CNR1: variants seen among roughly 807,000 people sequenced by gnomAD.
The protein encoded by CNR1 is cannabinoid receptor 1.
A neutral mutation model predicts 23.0 loss-of-function variants in CNR1; 10 were observed. The observed-to-expected ratio is 0.43, with a 90% confidence interval of 0.27 to 0.74. The LOEUF (loss-of-function observed/expected upper bound fraction) is 0.74. CNR1 is among the 30% of genes least tolerant of loss of function. The pLI is 0.19. For missense variants in CNR1, 422 were observed against 618.8 expected, an observed-to-expected ratio of 0.68 and a Z score of 3.37; for synonymous variants, 271 against 255.2, an observed-to-expected ratio of 1.06 and a Z score of -0.59.
rs937566702 is a variant in CNR1, at chr6:88,142,678, G to A, written c.*1178C>T. ...TTAGAAACTGAATCCATGTGCAAGA[G>A]TGCAGCAAGTGGTAAAAGTTTATAC... is the stretch of plus-strand genomic sequence containing the variant. On this transcript the variant is annotated 3_prime_UTR_variant, in exon 2 of 2. Transcript: ENST00000369501. The A allele has an allele frequency of 3.3e-5, 5 of 152,628 alleles. No individual in the cohort carries two copies. Among genetic ancestry groups the A allele is most frequent in the African/African-American group, 1.2e-4 (5 of 41,454 alleles). The allele number at this position is 152,628 out of a possible 1,614,324, so 9.5% of individuals were successfully genotyped here. A position where few individuals can be genotyped will look rare whatever the true frequency, so the allele number is the denominator to read the frequency against.
rs545650044 is a variant in CNR1 at position 88,145,526 on chromosome 6, T to A, written c.-63-189A>T. ...CACTCAGAGAAAAGCTCCCCAAAGT[T>A]CAGGGATGGCGTGGCACATGCCAGA... On this transcript the variant is annotated intron_variant, in intron 1 of 1. Coordinates refer to ENST00000369501, the MANE Select transcript of CNR1 (RefSeq NM_016083.6). 2.0e-5 allele frequency among the ~76,000 whole-genome samples: 3 copies of A among 152,300 alleles called. No homozygotes were observed. The South Asian group carries it at 6.2e-4, about 32-fold the overall frequency.
At position 88,143,743 on chromosome 6, in the gene CNR1, T is replaced by C. The variant is rs1776962779; in HGVS notation, c.*113A>G. 8 of 762,106 alleles carry C rather than the reference T, an allele frequency of 1.0e-5. No homozygotes were observed. Among genetic ancestry groups the C allele is most frequent in the Non-Finnish European group, 1.7e-5 (8 of 457,870 alleles). The allele number at this position is 762,106 out of a possible 1,614,324, so 47.2% of individuals were successfully genotyped here. A position where few individuals can be genotyped will look rare whatever the true frequency, so the allele number is the denominator to read the frequency against. On this transcript the variant is annotated 3_prime_UTR_variant, in exon 2 of 2. Transcript: ENST00000369501. ...AAGTGATCATGGTGACAATCACCTT[T>C]TCATTGAGCATGGTAAAGTTAAAAA...
intron 1 of CNR1, among the ~76,000 whole-genome samples, chr6:88,154,074 C>T (rs1162405591): frequency 6.6e-6 from 1 of 152,112 alleles, no homozygotes; most frequent in African/African-American, 2.4e-5. Context: ...AAAGAAAATT[C>T]CATTATATTG....
rs1478543909 is a variant in CNR1 at position 88,144,840 on chromosome 6, G to A, written c.435C>T (p.Arg145=). The A allele has an allele frequency of 6.2e-7, 1 of 1,614,224 alleles. No homozygotes were observed. Among genetic ancestry groups the A allele is most frequent in the Non-Finnish European group, 8.5e-7 (1 of 1,180,030 alleles). Residue 145 remains arginine (R), a synonymous_variant, in exon 2 of 2, where the codon CGC becomes CGT. Transcript: ENST00000369501. This position sits in a 1 kb window ranked among gnomAD's most constrained non-coding sequence, Gnocchi z 7.8. The part of the protein sequence containing the change: ...LLVLCVILHS[R]SLRCRPSYHF... ...GGTAGGAAGGCCTGCAGCGGAGGCT[G>A]CGGGAGTGGAGGATGACGCACAGCA...
rs1030123227 is a variant in CNR1 at position 88,141,602 on chromosome 6, T to C, written c.*2254A>G. On this transcript the variant is annotated 3_prime_UTR_variant, in exon 2 of 2. Transcript: ENST00000369501. ...GGACAAAAGACTGGCAATTCTTAAA[T>C]GCAAACTAAACCCTGGTGAGTTCTT... 4 of 152,386 alleles carry C rather than the reference T, an allele frequency of 2.6e-5. No individual in the cohort carries two copies. Among genetic ancestry groups the C allele is most frequent in the Non-Finnish European group, 5.9e-5 (4 of 68,052 alleles). The allele number at this position is 152,386 out of a possible 1,614,324, so 9.4% of individuals were successfully genotyped here.
intron 1 of CNR1, 60 bp from the exon 2 acceptor site, chr6:88,145,397 A>G: frequency 1.2e-6 from 1 of 801,246 alleles, no homozygotes; most frequent in Non-Finnish European, 2.0e-6. Flanking sequence ...AAAAACAAAG[A>G]GACACTGTAA....
rs759673082 is a variant in CNR1, at chr6:88,144,366, G to A, written c.909C>T (p.Ser303=). The A allele has an allele frequency of 1.5e-5, 24 of 1,613,778 alleles. No homozygotes were observed. Among genetic ancestry groups the A allele is most frequent in the Non-Finnish European group, 2.0e-5 (24 of 1,180,036 alleles). The change falls in exon 2 of 2, where the codon AGC becomes AGT. Residue 303 remains serine, a synonymous_variant. Transcript: ENST00000369501. The surrounding 1 kb of genome is among the most constrained non-coding windows in gnomAD (Gnocchi z 7.8). ...CACGCTGAATCATGCGGACGGCGTG[G>A]CTGTGAGCCTTCCAGAGAATATACA... ...AYMYILWKAH[S]HAVRMIQRGT... is the part of the protein sequence containing the mutation.
In CNR1 at chr6:88,145,347, G is replaced by C; in HGVS notation, c.-63-10C>G. The C allele has an allele frequency of 8.0e-7, 1 of 1,248,718 alleles. No homozygotes were observed. Among genetic ancestry groups the C allele is most frequent in the Non-Finnish European group, 1.1e-6 (1 of 886,102 alleles). The allele number at this position is 1,248,718 out of a possible 1,614,324, so 77.4% of individuals were successfully genotyped here. On this transcript the variant is annotated splice_polypyrimidine_tract_variant and intron_variant, in intron 1 of 1. Transcript: ENST00000369501. ...CCCACAGGGGGCAATCCTAAGAGGA[G>C]GGAAAACAAATAAGCCGAATGGTGA...
At chr6:88,147,220 G>C (rs1419840838) in intron 1 of CNR1, among the ~76,000 whole-genome samples, 1 of 152,236 alleles carries the variant, frequency 6.6e-6, no homozygotes, top group Non-Finnish European at 1.5e-5. Context: ...GCTGAGGCAG[G>C]AGAATCGCTT....
At chr6:88,159,041 T>C (rs929036592) in intron 1 of CNR1, among the ~76,000 whole-genome samples, 12 of 152,200 alleles carry the variant, frequency 7.9e-5, no homozygotes, top group Non-Finnish European at 1.6e-4. Flanking sequence ...TGTACTGATA[T>C]AATACACAGA....
At chr6:88,163,123 T>C (rs978005986) in intron 1 of CNR1, 1 of 152,236 alleles carries the variant, frequency 6.6e-6, no homozygotes. Context: ...ATTCACTGTA[T>C]ATTCTTAGAT....
intron 1 of CNR1, among the ~76,000 whole-genome samples, chr6:88,150,959 T>A (rs1479376021): frequency 6.6e-6 from 1 of 152,232 alleles, no homozygotes; most frequent in Admixed American, 6.5e-5. Flanking sequence ...TAACTTGGAC[T>A]TACTATGACA....
intron 1 of CNR1, among the ~76,000 whole-genome samples, chr6:88,154,288 T>C (rs1182080569): frequency 6.6e-6 from 1 of 152,238 alleles, no homozygotes; most frequent in Non-Finnish European, 1.5e-5. Flanking sequence ...TCAAATTTAA[T>C]GTGAAATATG....
chr6:88,144,287 T>C lies in CNR1; in HGVS notation c.988A>G (p.Thr330Ala). The change falls in exon 2 of 2, where the codon ACC becomes GCC. Residue 330 changes from threonine to alanine, a missense_variant. Physicochemically the swap from Thr to Ala is moderately conservative, Grantham distance 58 (BLOSUM62 0). This residue lies in a region of CNR1 where 211 missense variants were observed against 357.3 expected (regional missense o/e 0.59). Coordinates refer to ENST00000369501, the MANE Select transcript of CNR1 (RefSeq NM_016083.6). The surrounding 1 kb of genome is among the most constrained non-coding windows in gnomAD (Gnocchi z 7.8). ...TCCATGCGGGCTTGGTCTGGCCGGG[T>C]CACCTGTACCTTCCCATCCTCAGAC... is the stretch of plus-strand genomic sequence containing the variant. ...HTSEDGKVQV[T>A]RPDQARMDIR... 1 of 1,611,498 alleles carries C rather than the reference T, an allele frequency of 6.2e-7. No individual in the cohort carries two copies. Among genetic ancestry groups the C allele is most frequent in the Non-Finnish European group, 8.5e-7 (1 of 1,179,938 alleles).
chr6:88,150,653 GA>G (rs1388857425), intron 1 of CNR1, among the ~76,000 whole-genome samples: 1 of 152,076 alleles, frequency 6.6e-6, no homozygotes, highest in Non-Finnish European at 1.5e-5. Flanking sequence ...GCAATAAATT[GA>G]ATCCAACCAC....
Position 88,143,420 on chromosome 6 carries a change from A to G in CNR1, c.*436T>C. 1 of 171,366 alleles carries G rather than the reference A, an allele frequency of 5.8e-6. No homozygotes were observed. The highest frequency in any genetic ancestry group is 5.5e-5 in the Admixed American group (1 of 18,050). The allele number at this position is 171,366 out of a possible 1,614,324, so 10.6% of individuals were successfully genotyped here. A position where few individuals can be genotyped will look rare whatever the true frequency, so the allele number is the denominator to read the frequency against. ...TAAACACTGATACACATCTCACAGG[A>G]CATAATACATTTTACAAAATATCTC... On this transcript the variant is annotated 3_prime_UTR_variant, in exon 2 of 2. Transcript: ENST00000369501.
upstream of CNR1, among the ~76,000 whole-genome samples, chr6:88,166,726 C>T (rs1053601995): frequency 6.6e-6 from 1 of 152,290 alleles, no homozygotes; most frequent in African/African-American, 2.4e-5. Flanking sequence ...ATTAATCACA[C>T]GCTCCCGGGC....
At chr6:88,149,515 T>C (rs1777406141) in intron 1 of CNR1, among the ~76,000 whole-genome samples, 1 of 152,224 alleles carries the variant, frequency 6.6e-6, no homozygotes, top group Non-Finnish European at 1.5e-5. Flanking sequence ...ACAGCCACAA[T>C]GTGTGAGAGC....
rs1776862010 is a variant in CNR1, at chr6:88,142,214, C to T, written c.*1642G>A. 6.6e-6 allele frequency: 1 copy of T among 152,360 alleles called. No homozygotes were observed. Among genetic ancestry groups the T allele is most frequent in the Non-Finnish European group, 1.5e-5 (1 of 68,060 alleles). 9.4% of individuals were successfully genotyped at this position (152,360 alleles called of 1,614,324 possible). Reference sequence around the variant, plus strand: ...TGGGCAAAGCACAGATACAGCATAGCTAGACGTCAATGCCAAGTGTATCGG... The same window carrying T: ...TGGGCAAAGCACAGATACAGCATAGTTAGACGTCAATGCCAAGTGTATCGG... On this transcript the variant is annotated 3_prime_UTR_variant, in exon 2 of 2. Coordinates refer to ENST00000369501, the MANE Select transcript of CNR1 (RefSeq NM_016083.6).
Sources: gnomAD v4.1 joint callset for allele counts (sites outside exome capture counted in the v4.1 genomes callset) on GRCh38, gnomAD v4.1.1 for gene constraint, gnomAD v4.1.1 regional missense constraint, Gnocchi (gnomAD v3.1) non-coding constraint, MANE v1.5 for transcripts, NCBI Gene and HGNC (gene_info 2026-07-23, HGNC 2026-07-21) for gene names.